The following THRB variants were observed in gnomAD, a reference collection of about 807,000 sequenced individuals.
The protein encoded by THRB is nuclear receptor subfamily 1 group A member 2.
THRB carries 12 observed loss-of-function variants against 47.8 expected under a neutral mutation model. The ratio of observed to expected loss-of-function variants is 0.25; its 90% CI spans 0.16 to 0.41. The LOEUF is 0.41. Ranked by LOEUF, THRB falls within the 10% of genes least tolerant of loss-of-function variation. THRB has a pLI of 1.00. For missense variants in THRB, 348 were observed against 589.2 expected (o/e 0.59, Z 4.24); for synonymous variants, 218 against 212.2 (o/e 1.03, Z -0.24).
chr3:24,407,260 A>G (rs7611219), intron 1 of THRB, among the ~76,000 whole-genome samples: 93,682 of 151,568 alleles, frequency 0.62, 29,448 homozygotes, highest in Non-Finnish European at 0.66. Flanking sequence ...TTCCATGTAC[A>G]TGTCAACTTT....
chr3:24,292,261 C>T (rs1319977212), intron 3 of THRB, among the ~76,000 whole-genome samples: 5 of 152,020 alleles, frequency 3.3e-5, no homozygotes, highest in African/African-American at 7.2e-5. Context: ...AGGGAGGGGG[C>T]CTTCTACATT....
At chr3:24,389,472 A>G (rs2149950531) in intron 1 of THRB, among the ~76,000 whole-genome samples, 1 of 152,328 alleles carries the variant, frequency 6.6e-6, no homozygotes, top group East Asian at 1.9e-4. Flanking sequence ...GCAACGCTTT[A>G]AGAAAGAAAT....
chr3:24,388,725 A>G (rs2149939991), intron 1 of THRB, among the ~76,000 whole-genome samples: 1 of 152,158 alleles, frequency 6.6e-6, no homozygotes, highest in South Asian at 2.1e-4. Context: ...TACCTGCCCA[A>G]CCCTGAGGGC....
At chr3:24,340,564 C>G (rs1194068187) in intron 1 of THRB, among the ~76,000 whole-genome samples, 1 of 151,910 alleles carries the variant, frequency 6.6e-6, no homozygotes, top group East Asian at 1.9e-4. Flanking sequence ...TAATATCACA[C>G]TTATTGAAGG....
At chr3:24,461,479 G>T (rs73825649) in intron 1 of THRB, among the ~76,000 whole-genome samples, 4,849 of 152,252 alleles carry the variant, frequency 0.032, 278 homozygotes, top group African/African-American at 0.11. Context: ...CATTGTGAAG[G>T]CAGAGGACTT....
chr3:24,401,782 T>C (rs1376737485), intron 1 of THRB, among the ~76,000 whole-genome samples: 7 of 152,010 alleles, frequency 4.6e-5, no homozygotes, highest in Non-Finnish European at 4.4e-5. Context: ...TTATTTTAGA[T>C]GCAGATTTCT....
intron 1 of THRB, among the ~76,000 whole-genome samples, chr3:24,427,616 C>A (rs1410118449): frequency 6.6e-6 from 1 of 151,930 alleles, no homozygotes; most frequent in East Asian, 1.9e-4. Flanking sequence ...ACTACTTGAG[C>A]AAATTTAGAG....
chr3:24,221,092 A>G (rs1175006486), intron 4 of THRB, among the ~76,000 whole-genome samples: 1 of 152,224 alleles, frequency 6.6e-6, no homozygotes, highest in Non-Finnish European at 1.5e-5. Context: ...CCAGAGCGAG[A>G]ATGTCATCAT....
intron 3 of THRB, among the ~76,000 whole-genome samples, chr3:24,294,374 A>T (rs1218947074): frequency 2.0e-5 from 3 of 152,226 alleles, no homozygotes; most frequent in African/African-American, 4.8e-5. Context: ...GTTTAAAGCC[A>T]CTAAGTTTTA....
intron 4 of THRB, among the ~76,000 whole-genome samples, chr3:24,226,333 A>G (rs1186880651): frequency 6.6e-6 from 1 of 152,052 alleles, no homozygotes; most frequent in East Asian, 1.9e-4. Flanking sequence ...TAAAACATGT[A>G]CCCCTGAGCC....
chr3:24,264,345 C>T (rs895551054), intron 3 of THRB, among the ~76,000 whole-genome samples: 2 of 152,104 alleles, frequency 1.3e-5, no homozygotes, highest in African/African-American at 4.8e-5. Context: ...CCCAGGCCCC[C>T]TTGGTGCTTA....
intron 4 of THRB, 71 bp from the exon 5 acceptor site, chr3:24,190,405 G>A (rs905536900): frequency 6.3e-7 from 1 of 1,586,670 alleles, no homozygotes. Context: ...GCAGAGTTTT[G>A]GAAGGCAAGT....
chr3:24,272,216 C>T (rs989634563), intron 3 of THRB, among the ~76,000 whole-genome samples: 30 of 151,956 alleles, frequency 2.0e-4, no homozygotes, highest in African/African-American at 4.4e-4. Flanking sequence ...TGTGGTGGCC[C>T]GCACTTGTGG....
At chr3:24,276,146 G>A (rs1196316420) in intron 3 of THRB, among the ~76,000 whole-genome samples, 1 of 151,572 alleles carries the variant, frequency 6.6e-6, no homozygotes, top group Non-Finnish European at 1.5e-5. Context: ...AACATCTATT[G>A]TGTATGGCTA....
At chr3:24,332,399 T>A (rs886597789) in intron 2 of THRB, among the ~76,000 whole-genome samples, 1 of 152,240 alleles carries the variant, frequency 6.6e-6, no homozygotes, top group Non-Finnish European at 1.5e-5. Flanking sequence ...TTTAAGTCAC[T>A]GTTTTTAATG....
At chr3:24,163,040 C>T (rs533226474) in intron 5 of THRB, among the ~76,000 whole-genome samples, 2 of 152,092 alleles carry the variant, frequency 1.3e-5, no homozygotes, top group Non-Finnish European at 2.9e-5. Context: ...ATGAGGCCTA[C>T]CCCACTGAAC....
chr3:24,211,713 G>C (rs1448371797), intron 4 of THRB, among the ~76,000 whole-genome samples: 1 of 152,214 alleles, frequency 6.6e-6, no homozygotes, highest in East Asian at 1.9e-4. Flanking sequence ...AAACCAAAGT[G>C]ATCCTACCTT....
chr3:24,177,296 A>AT (rs1486843588), intron 5 of THRB, among the ~76,000 whole-genome samples: 1 of 152,126 alleles, frequency 6.6e-6, no homozygotes, highest in Non-Finnish European at 1.5e-5. Context: ...AGCCAATAGA[A>AT]TTTTCATCAT....
intron 2 of THRB, among the ~76,000 whole-genome samples, chr3:24,322,688 GTTTTC>G (rs1339255314): frequency 1.3e-5 from 2 of 152,070 alleles, no homozygotes; most frequent in Admixed American, 6.6e-5. Context: ...ACTGTGAATT[GTTTTC>G]TTTTCCATTG....
Sources: gnomAD v4.1 joint callset for allele counts (sites outside exome capture counted in the v4.1 genomes callset) on GRCh38, gnomAD v4.1.1 for gene constraint, MANE v1.5 for transcripts, NCBI Gene and HGNC (gene_info 2026-07-23, HGNC 2026-07-21) for gene names.